The following TASP1 variants were observed in gnomAD, a reference collection of about 807,000 sequenced individuals.
TASP1 encodes the protein threonine aspartase 1.
Under a neutral mutation model 56.6 loss-of-function variants are expected in TASP1, and 16 were observed. The observed-to-expected ratio is 0.28, with a 90% confidence interval of 0.19 to 0.43. The LOEUF (loss-of-function observed/expected upper bound fraction) is 0.43, where lower values mean the gene tolerates loss of function less well. Ranked by LOEUF, TASP1 falls within the 20% of genes least tolerant of loss-of-function variation. The probability of loss-of-function intolerance (pLI) is 1.00; values close to 1 mark genes in which losing one functional copy is unlikely to be tolerated. For synonymous variants in TASP1, 179 were observed against 184.2 expected (o/e 0.97, Z 0.23); for missense variants, 393 against 511.6 (o/e 0.77, Z 2.24).
chr20:13,574,294 T>A (rs1423720588), intron 6 of TASP1, among the ~76,000 whole-genome samples: 1 of 152,184 alleles, frequency 6.6e-6, no homozygotes, highest in Non-Finnish European at 1.5e-5. Context: ...TCGTCTCATG[T>A]AAGTTTAAAG....
chr20:13,308,231 G>T, the TASP1 span, among the ~76,000 whole-genome samples: 1 of 152,196 alleles, frequency 6.6e-6, no homozygotes, highest in East Asian at 1.9e-4. Context: ...GAATGGCCCA[G>T]TGGGGGTGTC....
In TASP1 at chr20:13,552,627, T is replaced by C. The variant is rs562961053; in HGVS notation, c.675+6381A>G. On this transcript the variant is annotated intron_variant, in intron 8 of 13. Coordinates refer to ENST00000337743, the MANE Select transcript of TASP1 (RefSeq NM_017714.3). ...CAAAAATTTCACACTAAAGGAAGAC[T>C]GGCAGCTATGTGGTGACACTGAAAG... is the stretch of plus-strand genomic sequence containing the variant. 2.0e-4 allele frequency among the ~76,000 whole-genome samples: 30 copies of C among 152,200 alleles called. 3 individuals carry two copies. Among genetic ancestry groups the C allele is most frequent in the African/African-American group, 7.0e-4 (29 of 41,532 alleles).
chr20:13,561,281 A>C (rs907846356), intron 7 of TASP1, among the ~76,000 whole-genome samples: 1 of 152,184 alleles, frequency 6.6e-6, no homozygotes, highest in Non-Finnish European at 1.5e-5. Flanking sequence ...ATCTCTGATA[A>C]AGATAAGTAC....
At chr20:13,628,998 T>G (rs894522912) in intron 2 of TASP1, among the ~76,000 whole-genome samples, 1 of 152,186 alleles carries the variant, frequency 6.6e-6, no homozygotes, top group African/African-American at 2.4e-5. Flanking sequence ...ACACTGGCTC[T>G]AGCACCAACC....
At chr20:13,393,800 C>CA in intron 13 of TASP1, 1 of 573,098 alleles carries the variant, frequency 1.7e-6, no homozygotes, top group Non-Finnish European at 3.1e-6. Flanking sequence ...AATGTCCATG[C>CA]AGACACCCTG....
At chr20:13,576,720 A>C (rs570213238) in intron 6 of TASP1, among the ~76,000 whole-genome samples, 2 of 152,342 alleles carry the variant, frequency 1.3e-5, no homozygotes, top group South Asian at 4.2e-4. Flanking sequence ...ACAAATTCTA[A>C]AATTCATATG....
At chr20:13,399,491 C>T (rs1458319439) in intron 13 of TASP1, among the ~76,000 whole-genome samples, 1 of 152,136 alleles carries the variant, frequency 6.6e-6, no homozygotes, top group African/African-American at 2.4e-5. Flanking sequence ...TAGTAAATGG[C>T]AATTCTATTC....
intron 4 of TASP1, among the ~76,000 whole-genome samples, chr20:13,607,414 T>C (rs960420864): frequency 6.6e-6 from 1 of 152,218 alleles, no homozygotes; most frequent in Admixed American, 6.5e-5. Context: ...TAAAATAATA[T>C]AAGAACTGTT....
Position 13,600,287 on chromosome 20 carries a change from G to A in TASP1, c.283-12917C>T, listed in dbSNP as rs536435851. 5.9e-5 allele frequency among the ~76,000 whole-genome samples: 9 copies of A among 152,150 alleles called. No homozygotes were observed. In the South Asian group the frequency reaches 1.9e-3, roughly 32 times the overall value. On this transcript the variant is annotated intron_variant, in intron 4 of 13. Coordinates refer to ENST00000337743, the MANE Select transcript of TASP1 (RefSeq NM_017714.3). ...TTGGTTTTAAAATACTTATGTAAAT[G>A]CAAAGGAACTAGAATAGCAAAGAAA...
downstream of TASP1, among the ~76,000 whole-genome samples, chr20:13,387,777 C>A (rs539246736): frequency 1.2e-4 from 19 of 152,320 alleles, no homozygotes; most frequent in Middle Eastern, 3.4e-3. Context: ...TACATTGCCA[C>A]CAGCAGAGTA....
the TASP1 span, among the ~76,000 whole-genome samples, chr20:13,120,474 G>C: frequency 6.6e-6 from 1 of 152,138 alleles, no homozygotes; most frequent in Admixed American, 6.5e-5. Context: ...AAAATAATCA[G>C]TTAGCTCCAA....
At chr20:13,414,469 TATAAA>T (rs1469885207) in intron 13 of TASP1, among the ~76,000 whole-genome samples, 4 of 152,294 alleles carry the variant, frequency 2.6e-5, no homozygotes, top group East Asian at 1.9e-4. Context: ...ACTTAAAGAC[TATAAA>T]ATAGTCTGCT....
At chr20:13,499,848 T>G (rs2876357) in intron 10 of TASP1, among the ~76,000 whole-genome samples, 92,845 of 151,986 alleles carry the variant, frequency 0.61, 28,979 homozygotes, top group Non-Finnish European at 0.68. Context: ...TGAAGCTCAA[T>G]GCCATTATCC....
intron 11 of TASP1, among the ~76,000 whole-genome samples, chr20:13,456,414 C>T (rs750697600): frequency 3.9e-5 from 6 of 152,084 alleles, no homozygotes; most frequent in Non-Finnish European, 7.4e-5. Flanking sequence ...ATCATTAGCC[C>T]TCCACCATAT....
chr20:13,519,897 T>G (rs112982730), intron 10 of TASP1, among the ~76,000 whole-genome samples: 15,980 of 152,268 alleles, frequency 0.1, 1,120 homozygotes, highest in Middle Eastern at 0.18. Context: ...CAAAATCTCC[T>G]TAAGCTGGTA....
the TASP1 span, among the ~76,000 whole-genome samples, chr20:13,215,228 C>A: frequency 1.3e-5 from 2 of 152,198 alleles, no homozygotes; most frequent in African/African-American, 4.8e-5. Context: ...CTATTTAATT[C>A]TCTGGGCCTG....
At chr20:13,588,306 G>GGA (rs1568618257) in intron 4 of TASP1, among the ~76,000 whole-genome samples, 3 of 103,582 alleles carry the variant, frequency 2.9e-5, no homozygotes, top group African/African-American at 1.1e-4. Context: ...AGGAAGGAAG[G>GGA]AAGAGAAAGA....
chr20:13,595,020 C>A (rs2047676294), intron 4 of TASP1, among the ~76,000 whole-genome samples: 1 of 152,182 alleles, frequency 6.6e-6, no homozygotes, highest in African/African-American at 2.4e-5. Context: ...AGACTAACAG[C>A]TGATTTCTTG....
the TASP1 span, among the ~76,000 whole-genome samples, chr20:13,357,596 T>C: frequency 9.0e-4 from 137 of 152,330 alleles, no homozygotes; most frequent in Non-Finnish European, 1.3e-3. Flanking sequence ...AGATTGCTTA[T>C]AGTCTTATAT....
Sources: gnomAD v4.1 joint callset for allele counts (sites outside exome capture counted in the v4.1 genomes callset) on GRCh38, gnomAD v4.1.1 for gene constraint, MANE v1.5 for transcripts, NCBI Gene and HGNC (gene_info 2026-07-23, HGNC 2026-07-21) for gene names.